The following TGFBR3 variants were observed in gnomAD, a reference collection of about 807,000 sequenced individuals.
TGFBR3 encodes transforming growth factor beta receptor type 3.
TGFBR3 carries 46 observed loss-of-function variants against 87.9 expected under a neutral mutation model. The observed-to-expected ratio is 0.52, with a 90% CI of 0.41 to 0.67. TGFBR3 has a LOEUF of 0.67. Ranked by LOEUF, TGFBR3 falls within the 30% of genes least tolerant of loss-of-function variation. The pLI, the probability that TGFBR3 is intolerant of heterozygous loss-of-function variation, is 0.00. For synonymous variants in TGFBR3, 381 were observed against 391.6 expected, an observed-to-expected ratio of 0.97 and a Z score of 0.32; for missense variants, 866 against 1,041.9, an observed-to-expected ratio of 0.83 and a Z score of 2.32.
chr1:91,800,669 A>G (rs1675589277), intron 2 of TGFBR3, among the ~76,000 whole-genome samples: 1 of 152,002 alleles, frequency 6.6e-6, no homozygotes, highest in African/African-American at 2.4e-5. Context: ...AAAAGCTACA[A>G]CATATGATTA....
At chr1:91,863,294 A>C (rs1000539999) in intron 1 of TGFBR3, among the ~76,000 whole-genome samples, 1 of 152,244 alleles carries the variant, frequency 6.6e-6, no homozygotes, top group African/African-American at 2.4e-5. Context: ...GATAGTGATT[A>C]AAATCCTAGT....
At chr1:91,749,784 TTG>T (rs1673472520) in intron 4 of TGFBR3, among the ~76,000 whole-genome samples, 2 of 152,122 alleles carry the variant, frequency 1.3e-5, no homozygotes, top group African/African-American at 2.4e-5. Context: ...TGGTAGACAG[TTG>T]GGGTTTCTTT....
At chr1:91,886,791 G>C (rs1204960858), upstream of TGFBR3, among the ~76,000 whole-genome samples, 1 of 151,858 alleles carries the variant, frequency 6.6e-6, no homozygotes, top group Non-Finnish European at 1.5e-5. Flanking sequence ...TTACCCAGCC[G>C]TTCCCCCTGC....
intron 4 of TGFBR3, among the ~76,000 whole-genome samples, chr1:91,745,909 G>C (rs1673329213): frequency 1.3e-5 from 2 of 152,148 alleles, no homozygotes; most frequent in Admixed American, 1.3e-4. Context: ...ACAAATCCAT[G>C]CAGCCATTTA....
intron 2 of TGFBR3, among the ~76,000 whole-genome samples, chr1:91,802,585 T>C (rs1675674655): frequency 6.6e-6 from 1 of 152,100 alleles, no homozygotes; most frequent in Admixed American, 6.5e-5. Context: ...GGTCTCGAAC[T>C]CCTGGCCTCA....
intron 2 of TGFBR3, among the ~76,000 whole-genome samples, chr1:91,808,296 C>A (rs1675911586): frequency 6.6e-6 from 1 of 152,092 alleles, no homozygotes; most frequent in Non-Finnish European, 1.5e-5. Context: ...TTAAACTATG[C>A]ACAGTATTAG....
chr1:91,830,388 T>C (rs968717188), intron 2 of TGFBR3, among the ~76,000 whole-genome samples: 1 of 152,176 alleles, frequency 6.6e-6, no homozygotes, highest in Admixed American at 6.5e-5. Context: ...TGGCAGGCAG[T>C]CGATTTCCAG....
At chr1:91,744,085 A>G (rs1291573593) in intron 4 of TGFBR3, among the ~76,000 whole-genome samples, 1 of 94,968 alleles carries the variant, frequency 1.1e-5, no homozygotes, top group Non-Finnish European at 2.0e-5. Flanking sequence ...AATTTTACTT[A>G]CTTTTTTTTT....
At chr1:91,783,584 CAG>C (rs1192595539) in intron 3 of TGFBR3, among the ~76,000 whole-genome samples, 1 of 152,198 alleles carries the variant, frequency 6.6e-6, no homozygotes, top group African/African-American at 2.4e-5. Context: ...TCTAAATAAA[CAG>C]ACTCTTCTGG....
intron 1 of TGFBR3, among the ~76,000 whole-genome samples, chr1:91,871,787 C>A (rs748320157): frequency 6.6e-6 from 1 of 152,152 alleles, no homozygotes. Context: ...GCGGGGCCCC[C>A]ATAGCCTACC....
chr1:91,898,684 G>A (rs1485903752), intron 2 of TGFBR3, among the ~76,000 whole-genome samples: 1 of 152,112 alleles, frequency 6.6e-6, no homozygotes, highest in Non-Finnish European at 1.5e-5. Flanking sequence ...TGATCCACCC[G>A]CCTTGGCCTC....
At chr1:91,859,058 C>CA (rs200660883) in intron 2 of TGFBR3, among the ~76,000 whole-genome samples, 1,567 of 127,856 alleles carry the variant, frequency 0.012, 22 homozygotes, top group East Asian at 0.013. Context: ...GACTCTGTAT[C>CA]AAAAAAAAAA....
chr1:91,804,040 A>G (rs988312296), intron 2 of TGFBR3, among the ~76,000 whole-genome samples: 2 of 152,156 alleles, frequency 1.3e-5, no homozygotes, highest in African/African-American at 4.8e-5. Context: ...CAGACACTCA[A>G]TTATCGCTGA....
At chr1:91,786,465 G>A (rs1257965981) in intron 3 of TGFBR3, among the ~76,000 whole-genome samples, 1 of 152,030 alleles carries the variant, frequency 6.6e-6, no homozygotes, top group Non-Finnish European at 1.5e-5. Flanking sequence ...AAAGAGAATG[G>A]GCAGGCCAGG....
intron 3 of TGFBR3, among the ~76,000 whole-genome samples, chr1:91,786,976 G>A (rs1674994390): frequency 6.6e-6 from 1 of 152,104 alleles, no homozygotes; most frequent in Non-Finnish European, 1.5e-5. Context: ...AAGTGCCACA[G>A]AGACATTTCT....
chr1:91,699,641 T>A (rs1489731516), intron 14 of TGFBR3, among the ~76,000 whole-genome samples: 1 of 152,132 alleles, frequency 6.6e-6, no homozygotes, highest in African/African-American at 2.4e-5. Flanking sequence ...TTTGCACCAG[T>A]GCCATGAAGA....
At chr1:91,887,384 T>C (rs192073797), upstream of TGFBR3, among the ~76,000 whole-genome samples, 1,175 of 151,956 alleles carry the variant, frequency 7.7e-3, 6 homozygotes, top group Non-Finnish European at 0.01. Flanking sequence ...CCTGAGTAGC[T>C]GGGATTACTG....
At chr1:91,880,161 C>A (rs1679016160) in intron 1 of TGFBR3, among the ~76,000 whole-genome samples, 1 of 152,162 alleles carries the variant, frequency 6.6e-6, no homozygotes. Context: ...AACCTAGATT[C>A]ACTCTTAAAT....
intron 1 of TGFBR3, among the ~76,000 whole-genome samples, chr1:91,884,007 T>C (rs756389326): frequency 6.6e-6 from 1 of 152,118 alleles, no homozygotes; most frequent in African/African-American, 2.4e-5. Context: ...TCTGGAGAAT[T>C]AATAAAAGAA....
Sources: gnomAD v4.1 joint callset for allele counts (sites outside exome capture counted in the v4.1 genomes callset) on GRCh38, gnomAD v4.1.1 for gene constraint, MANE v1.5 for transcripts, NCBI Gene and HGNC (gene_info 2026-07-23, HGNC 2026-07-21) for gene names.